CRB1: variants seen among roughly 807,000 people sequenced by gnomAD.
CRB1 encodes crumbs cell polarity complex component 1.
CRB1 carries 83 observed loss-of-function variants against 120.0 expected under a neutral mutation model. The observed-to-expected ratio is 0.69, with a 90% CI of 0.58 to 0.83. The LOEUF (loss-of-function observed/expected upper bound fraction) is 0.83, where lower values mean the gene tolerates loss of function less well. CRB1 is among the 40% of genes least tolerant of loss of function. The probability of loss-of-function intolerance (pLI) is 0.00; values close to 1 mark genes in which losing one functional copy is unlikely to be tolerated. For missense variants in CRB1, 1,699 were observed against 1,687.6 expected (o/e 1.01, Z -0.12); for synonymous variants, 625 against 612.5 (o/e 1.02, Z -0.30).
the CRB1 span, among the ~76,000 whole-genome samples, chr1:197,240,405 C>T: frequency 6.6e-6 from 1 of 152,060 alleles, no homozygotes; most frequent in Admixed American, 6.6e-5. Context: ...GTGCGATGTT[C>T]CCCTCCCTGT....
At chr1:197,259,547 GGGAGAACATCA>G in the CRB1 span, among the ~76,000 whole-genome samples, 1 of 152,140 alleles carries the variant, frequency 6.6e-6, no homozygotes, top group Non-Finnish European at 1.5e-5. Context: ...GGCAAGGGGA[GGGAGAACATCA>G]GGACAAATAG....
intron 1 of CRB1, among the ~76,000 whole-genome samples, chr1:197,301,895 A>C (rs1656883341): frequency 6.6e-6 from 1 of 152,182 alleles, no homozygotes; most frequent in African/African-American, 2.4e-5. Flanking sequence ...TGGATGAAAA[A>C]AAAAAGAATT....
At chr1:197,427,422 T>C in intron 6 of CRB1, 32 bp from the exon 7 acceptor site, 1 of 1,606,698 alleles carries the variant, frequency 6.2e-7, no homozygotes, top group Non-Finnish European at 8.5e-7. Context: ...GTTTCTTTTT[T>C]TTTCTCCTCC....
intron 1 of CRB1, among the ~76,000 whole-genome samples, chr1:197,313,792 G>A (rs1657686142): frequency 6.6e-6 from 1 of 152,004 alleles, no homozygotes; most frequent in African/African-American, 2.4e-5. Flanking sequence ...TTCTTTTTGT[G>A]GTATATATAC....
intron 2 of CRB1, among the ~76,000 whole-genome samples, chr1:197,342,150 C>T (rs1029828757): frequency 6.6e-6 from 1 of 152,130 alleles, no homozygotes; most frequent in African/African-American, 2.4e-5. Flanking sequence ...ATCTTTATTC[C>T]ACTGCAGCCA....
intron 3 of CRB1, among the ~76,000 whole-genome samples, chr1:197,345,882 C>G (rs1253851032): frequency 6.6e-6 from 1 of 151,990 alleles, no homozygotes; most frequent in Admixed American, 6.6e-5. Flanking sequence ...CATGTCTTGC[C>G]TTTGACTTTT....
intron 11 of CRB1, among the ~76,000 whole-genome samples, chr1:197,461,682 T>C (rs1666538991): frequency 1.3e-5 from 2 of 152,156 alleles, no homozygotes; most frequent in African/African-American, 4.8e-5. Flanking sequence ...CACAAGCTCC[T>C]ATTACATTCT....
chr1:197,343,765 A>T (rs890300340), intron 2 of CRB1, among the ~76,000 whole-genome samples: 11 of 152,198 alleles, frequency 7.2e-5, no homozygotes, highest in Non-Finnish European at 1.6e-4. Flanking sequence ...TAAGAGTCCT[A>T]TGAGATAATT....
intron 5 of CRB1, among the ~76,000 whole-genome samples, chr1:197,389,010 G>A (rs908009201): frequency 3.3e-5 from 5 of 152,024 alleles, no homozygotes; most frequent in African/African-American, 7.2e-5. Flanking sequence ...GTGAGATACC[G>A]CTTCATTCCC....
chr1:197,364,154 G>A, intron 5 of CRB1: 1 of 596,660 alleles, frequency 1.7e-6, no homozygotes, highest in Non-Finnish European at 2.8e-6. Context: ...ATCCAGTTTT[G>A]TCTCCATCTC....
intron 5 of CRB1, among the ~76,000 whole-genome samples, chr1:197,408,839 G>T (rs1663549939): frequency 6.6e-6 from 1 of 152,208 alleles, no homozygotes; most frequent in Non-Finnish European, 1.5e-5. Context: ...TCAAAGTAAA[G>T]TCAACAAGAG....
At chr1:197,313,144 G>A (rs1436100815) in intron 1 of CRB1, among the ~76,000 whole-genome samples, 1 of 152,184 alleles carries the variant, frequency 6.6e-6, no homozygotes, top group African/African-American at 2.4e-5. Context: ...GAAAGAGAAT[G>A]TGTGGTGGAG....
At chr1:197,314,522 TA>T (rs1657731725) in intron 1 of CRB1, among the ~76,000 whole-genome samples, 1 of 152,190 alleles carries the variant, frequency 6.6e-6, no homozygotes, top group East Asian at 1.9e-4. Flanking sequence ...GATTATAGGT[TA>T]GATCTAATAA....
chr1:197,331,262 T>C (rs900259594), intron 2 of CRB1, among the ~76,000 whole-genome samples: 1 of 152,232 alleles, frequency 6.6e-6, no homozygotes, highest in Non-Finnish European at 1.5e-5. Flanking sequence ...TTTACAATTC[T>C]TCCATATATT....
At chr1:197,353,501 G>A (rs1366511299) in intron 4 of CRB1, among the ~76,000 whole-genome samples, 1 of 152,296 alleles carries the variant, frequency 6.6e-6, no homozygotes, top group South Asian at 2.1e-4. Context: ...CGACTGTGAA[G>A]TTGAATTGTG....
At chr1:197,325,124 A>C (rs762461880) in intron 1 of CRB1, among the ~76,000 whole-genome samples, 4 of 152,246 alleles carry the variant, frequency 2.6e-5, no homozygotes, top group Admixed American at 1.3e-4. Context: ...TTATTCAACA[A>C]ATTTCTATTG....
At chr1:197,326,225 C>A (rs1251477845) in intron 1 of CRB1, among the ~76,000 whole-genome samples, 1 of 152,040 alleles carries the variant, frequency 6.6e-6, no homozygotes, top group East Asian at 1.9e-4. Context: ...ATATGGAGCA[C>A]AATACAAAGA....
At chr1:197,350,605 C>G (rs947975117) in intron 4 of CRB1, among the ~76,000 whole-genome samples, 3 of 152,152 alleles carry the variant, frequency 2.0e-5, no homozygotes, top group African/African-American at 7.2e-5. Flanking sequence ...TCCCTTCCTC[C>G]AAGGAGCCTA....
At chr1:197,453,962 T>C (rs61829438) in intron 11 of CRB1, among the ~76,000 whole-genome samples, 53 of 92,480 alleles carry the variant, frequency 5.7e-4, no homozygotes, top group East Asian at 1.6e-3. Context: ...GATATTATTA[T>C]ATTATTAATA....
Sources: allele counts gnomAD v4.1 joint callset (sites outside exome capture counted in the v4.1 genomes callset), GRCh38; gene constraint gnomAD v4.1.1; transcripts MANE v1.5; gene names NCBI Gene and HGNC (gene_info 2026-07-23, HGNC 2026-07-21).